The following MTFMT variants were observed in gnomAD, a reference collection of about 807,000 sequenced individuals.
MTFMT encodes the protein methionyl-tRNA formyltransferase, mitochondrial.
MTFMT carries 47 observed loss-of-function variants against 51.8 expected under a neutral mutation model. That is an observed-to-expected ratio of 0.91 (90% CI 0.72 to 1.16). MTFMT has a LOEUF of 1.16. Among genes scored for constraint, MTFMT ranks in the 50% most tolerant of loss-of-function variants. The pLI is 0.00. For missense variants in MTFMT, 512 were observed against 482.3 expected, an observed-to-expected ratio of 1.06 and a Z score of -0.58; for synonymous variants, 196 against 176.7, an observed-to-expected ratio of 1.11 and a Z score of -0.87.
At chr15:65,006,089 T>C (rs747447473) in intron 7 of MTFMT, 24 bp downstream of exon 7, 13 of 1,558,342 alleles carry the variant, frequency 8.3e-6, no homozygotes, top group Non-Finnish European at 1.1e-5. Context: ...ACAGCTTCCA[T>C]GTTAGCTATT....
intron 5 of MTFMT, among the ~76,000 whole-genome samples, chr15:65,017,796 A>G (rs2086336839): frequency 6.6e-6 from 1 of 152,108 alleles, no homozygotes; most frequent in Admixed American, 6.6e-5. Flanking sequence ...CCTATCTTAA[A>G]AAAAAAAGAA....
At chr15:65,021,028 C>T (rs1343105050) in intron 4 of MTFMT, among the ~76,000 whole-genome samples, 1 of 152,162 alleles carries the variant, frequency 6.6e-6, no homozygotes, top group East Asian at 1.9e-4. Flanking sequence ...TTTACCCAGA[C>T]TCTACTCATG....
chr15:65,023,779 A>G lies in MTFMT; in HGVS notation c.435T>C (p.Val145=), dbSNP rs2086396319. ...GCCATCTCGGGAGGCAACTGGGATG[A>G]ACATTCAATATGCCACTGAGTTAGA... The part of the protein sequence containing the change: ...ILKFPYGILN[V]HPSCLPRWRG... The change falls in exon 3 of 9, where the codon GTT becomes GTC. Residue 145 remains valine, a synonymous_variant. Transcript: ENST00000220058. The G allele has an allele frequency of 6.2e-7, 1 of 1,611,970 alleles. No homozygotes were observed. The highest frequency in any genetic ancestry group is 1.7e-5 in the Admixed American group (1 of 59,754).
chr15:65,014,393 G>A lies in MTFMT; in HGVS notation c.813+2043C>T, dbSNP rs943696955. Among the ~76,000 whole-genome samples the A allele has an allele frequency of 3.3e-4, 46 of 138,320 alleles. 1 individual carries two copies. The Admixed American group carries it at 3.3e-3, about 10-fold the overall frequency. 90.7% of individuals were successfully genotyped at this position (138,320 alleles called of 152,430 possible). On this transcript the variant is annotated intron_variant, in intron 6 of 8. Coordinates refer to ENST00000220058, the MANE Select transcript of MTFMT (RefSeq NM_139242.4). ...AGGCTGGTGTGCAATGTGCAATCTC[G>A]GCTCATCATAACCTCCACCTCCTGG...
At chr15:65,022,770 G>A (rs1432585594) in intron 3 of MTFMT, among the ~76,000 whole-genome samples, 3 of 150,158 alleles carry the variant, frequency 2.0e-5, no homozygotes, top group Admixed American at 1.3e-4. Context: ...GCAGTGGTGC[G>A]ATCTTGCCTC....
At chr15:65,018,657 C>G (rs2086344643) in intron 5 of MTFMT, among the ~76,000 whole-genome samples, 1 of 152,064 alleles carries the variant, frequency 6.6e-6, no homozygotes, top group Non-Finnish European at 1.5e-5. Context: ...CATAGGCGAG[C>G]CTGGGACATA....
At chr15:65,007,502 A>G (rs558420429) in intron 6 of MTFMT, among the ~76,000 whole-genome samples, 71 of 152,348 alleles carry the variant, frequency 4.7e-4, no homozygotes, top group African/African-American at 1.6e-3. Context: ...TGCTATTTAT[A>G]ACACTATAAA....
At chr15:65,014,487 C>T (rs2086299567) in intron 6 of MTFMT, among the ~76,000 whole-genome samples, 1 of 151,978 alleles carries the variant, frequency 6.6e-6, no homozygotes, top group South Asian at 2.1e-4. Context: ...CTAGGTCTGG[C>T]TAATTTTTTT....
In MTFMT at chr15:65,027,745, A is replaced by G. The variant is rs562048796; in HGVS notation, c.210-705T>C. 2.0e-4 allele frequency among the ~76,000 whole-genome samples: 30 copies of G among 152,302 alleles called. 1 individual carries two copies. The highest frequency in any genetic ancestry group is 6.3e-4 in the African/African-American group (26 of 41,570). On this transcript the variant is annotated intron_variant, in intron 1 of 8. Transcript: ENST00000220058. Reference sequence around the variant, plus strand: ...TAAATATACGTATATTTGTATATTCACTGAACATTTCTAGAAGGAACTGAA... The same window carrying G: ...TAAATATACGTATATTTGTATATTCGCTGAACATTTCTAGAAGGAACTGAA...
intron 5 of MTFMT, among the ~76,000 whole-genome samples, chr15:65,017,421 T>C (rs1235556406): frequency 2.6e-5 from 4 of 152,228 alleles, no homozygotes; most frequent in Non-Finnish European, 5.9e-5. Context: ...AATCTTACTA[T>C]TATTTGAAAT....
rs138569424 is a variant in MTFMT, at chr15:65,013,662, G to A, written c.813+2774C>T. On this transcript the variant is annotated intron_variant, in intron 6 of 8. Transcript: ENST00000220058. ...CATTCCTGGGATAAATCCCACTTGGGGCAGGGTGTGATGGCTCACACCTGT... is the reference window on the plus strand; with the variant it reads ...CATTCCTGGGATAAATCCCACTTGGAGCAGGGTGTGATGGCTCACACCTGT... Among the ~76,000 whole-genome samples the A allele has an allele frequency of 6.6e-3, 1,003 of 152,186 alleles. 9 individuals carry two copies. Among genetic ancestry groups the A allele is most frequent in the African/African-American group, 0.021 (892 of 41,536 alleles).
At chr15:65,022,323 T>C (rs1454898544) in intron 3 of MTFMT, among the ~76,000 whole-genome samples, 1 of 152,006 alleles carries the variant, frequency 6.6e-6, no homozygotes, top group South Asian at 2.1e-4. Context: ...CATGGTAGCG[T>C]GTGCCTGTAG....
chr15:65,021,179 C>T (rs921128294), intron 4 of MTFMT, among the ~76,000 whole-genome samples: 1 of 152,158 alleles, frequency 6.6e-6, no homozygotes, highest in African/African-American at 2.4e-5. Context: ...TAGAAAATTG[C>T]TGTTAGTTCA....
In MTFMT at chr15:65,016,416, A is replaced by G; in HGVS notation, c.813+20T>C. ...TAGAAAACCAACTAGGTAGAACTGCAACCTGACTTCCCAACTTACTATATT... is the reference window on the plus strand; with the variant it reads ...TAGAAAACCAACTAGGTAGAACTGCGACCTGACTTCCCAACTTACTATATT... On this transcript the variant is annotated intron_variant, in intron 6 of 8. Coordinates refer to ENST00000220058, the MANE Select transcript of MTFMT (RefSeq NM_139242.4). 1.3e-6 allele frequency: 2 copies of G among 1,520,876 alleles called. No individual in the cohort carries two copies. Among genetic ancestry groups the G allele is most frequent in the Non-Finnish European group, 1.8e-6 (2 of 1,109,458 alleles). The allele number at this position is 1,520,876 out of a possible 1,614,324, so 94.2% of individuals were successfully genotyped here.
intron 6 of MTFMT, among the ~76,000 whole-genome samples, chr15:65,007,563 A>C (rs149939185): frequency 6.6e-6 from 1 of 152,194 alleles, no homozygotes; most frequent in Non-Finnish European, 1.5e-5. Context: ...ACATTTCTGG[A>C]TAATAGTTTT....
At chr15:65,012,175 A>T (rs2086274278) in intron 6 of MTFMT, among the ~76,000 whole-genome samples, 1 of 138,200 alleles carries the variant, frequency 7.2e-6, no homozygotes, top group South Asian at 2.3e-4. Flanking sequence ...GTGGGAGGGG[A>T]GAGGGATAGC....
chr15:65,026,353 A>C, intron 2 of MTFMT: 1 of 209,724 alleles, frequency 4.8e-6, no homozygotes, highest in Non-Finnish European at 1.0e-5. Flanking sequence ...AAAGTTTTGT[A>C]AATTTTCCTT....
chr15:65,015,387 C>T (rs1054985674), intron 6 of MTFMT, among the ~76,000 whole-genome samples: 1 of 152,184 alleles, frequency 6.6e-6, no homozygotes, highest in Admixed American at 6.5e-5. Flanking sequence ...AATTCATTAT[C>T]TACTTTAAGC....
At chr15:65,020,341 C>T in intron 4 of MTFMT, 69 bp from the exon 5 acceptor site, 2 of 1,253,914 alleles carry the variant, frequency 1.6e-6, no homozygotes, top group East Asian at 2.4e-5. Context: ...AAACACATTA[C>T]AATTCAGCAC....
Sources: gnomAD v4.1 joint callset for allele counts (sites outside exome capture counted in the v4.1 genomes callset) on GRCh38, gnomAD v4.1.1 for gene constraint, MANE v1.5 for transcripts, NCBI Gene and HGNC (gene_info 2026-07-23, HGNC 2026-07-21) for gene names.